MROH7: variants seen among roughly 807,000 people sequenced by gnomAD.
MROH7 encodes the protein maestro heat-like repeat-containing protein family member 7.
MROH7 carries 113 observed loss-of-function variants against 129.2 expected under a neutral mutation model. The ratio of observed to expected loss-of-function variants is 0.87; its 90% confidence interval spans 0.75 to 1.02. MROH7 has a LOEUF of 1.02. Ranked by LOEUF, MROH7 falls within the 50% of genes least tolerant of loss-of-function variation. MROH7 has a pLI of 0.00. For synonymous variants in MROH7, 655 were observed against 667.9 expected, an observed-to-expected ratio of 0.98 and a Z score of 0.30; for missense variants, 1,601 against 1,671.3, an observed-to-expected ratio of 0.96 and a Z score of 0.73.
At chr1:54,699,162 T>TTTCTTTCTTTC (rs1557727254) in intron 17 of MROH7, 18 of 86,134 alleles carry the variant, frequency 2.1e-4, no homozygotes, top group African/African-American at 8.7e-4. Context: ...TTCTTTCTTT[T>TTTCTTTCTTTC]CTTTCTTTCT....
At chr1:54,667,134 G>A (rs114990905) in intron 4 of MROH7, among the ~76,000 whole-genome samples, 26 of 152,256 alleles carry the variant, frequency 1.7e-4, no homozygotes, top group African/African-American at 6.3e-4. Flanking sequence ...TCTAGTTTGG[G>A]GAGACACACA....
rs1645579861 is a variant in MROH7 at position 54,708,998 on chromosome 1, T to C, written c.3668-16T>C. ...GTCGGAAGACAAATGCCCTCACTTC[T>C]TGGATTACGCTCAAGGGTCCCTGGT... On this transcript the variant is annotated splice_polypyrimidine_tract_variant and intron_variant, in intron 22 of 23. Coordinates refer to ENST00000421030, the MANE Select transcript of MROH7 (RefSeq NM_001039464.4). 2 of 1,613,880 alleles carry C rather than the reference T, an allele frequency of 1.2e-6. No individual in the cohort carries two copies. Among genetic ancestry groups the C allele is most frequent in the Admixed American group, 1.7e-5 (1 of 60,006 alleles).
At chr1:54,642,747 C>T (rs527723680) in intron 1 of MROH7, among the ~76,000 whole-genome samples, 1 of 152,278 alleles carries the variant, frequency 6.6e-6, no homozygotes, top group South Asian at 2.1e-4. Flanking sequence ...TCCCAAGTAG[C>T]TGGGACTACA....
At chr1:54,705,408 C>T (rs1029331809) in intron 21 of MROH7, among the ~76,000 whole-genome samples, 1 of 152,086 alleles carries the variant, frequency 6.6e-6, no homozygotes, top group Non-Finnish European at 1.5e-5. Flanking sequence ...TTGGGGGAGC[C>T]CGAGATACAG....
Position 54,679,365 on chromosome 1 carries a change from G to C in MROH7, c.2152G>C (p.Glu718Gln). The C allele has an allele frequency of 6.2e-6, 10 of 1,614,144 alleles. No individual in the cohort carries two copies. Among genetic ancestry groups the C allele is most frequent in the Non-Finnish European group, 8.5e-6 (10 of 1,180,040 alleles). ...AGAGGCTCCAGGGAAGGACTCCAGG[G>C]AGATGATGCAGCTGGCCTCGGAGGT... Reference protein sequence around the residue: ...SSEAPGKDSREMMQLASEVML... With the variant: ...SSEAPGKDSRQMMQLASEVML... Residue 718 changes from glutamate to glutamine, a missense_variant, in exon 12 of 24, where the codon GAG becomes CAG. Physicochemically the swap from Glu to Gln is conservative, Grantham distance 29. Transcript: ENST00000421030.
At chr1:54,642,813 C>T (rs1644408680) in intron 1 of MROH7, among the ~76,000 whole-genome samples, 1 of 138,070 alleles carries the variant, frequency 7.2e-6, no homozygotes, top group African/African-American at 2.5e-5. Flanking sequence ...CGCGGTTTTG[C>T]CATGTTGTTC....
At chr1:54,668,599 G>A (rs138081063) in intron 4 of MROH7, among the ~76,000 whole-genome samples, 6 of 152,230 alleles carry the variant, frequency 3.9e-5, no homozygotes, top group East Asian at 3.9e-4. Flanking sequence ...ACTGGAGAAG[G>A]GGGGAGTACT....
intron 15 of MROH7, among the ~76,000 whole-genome samples, chr1:54,687,937 T>C (rs775459678): frequency 7.7e-5 from 11 of 143,184 alleles, no homozygotes; most frequent in Non-Finnish European, 1.4e-4. Flanking sequence ...GGTGCAAACA[T>C]GGCTCACGGC....
At chr1:54,644,643 G>A (rs781304504) in intron 1 of MROH7, among the ~76,000 whole-genome samples, 2 of 148,264 alleles carry the variant, frequency 1.3e-5, no homozygotes, top group Non-Finnish European at 3.0e-5. Context: ...GTGCCTGGCC[G>A]ATTTTTCTTT....
At chr1:54,670,003 CAAA>C (rs34295281) in intron 5 of MROH7, among the ~76,000 whole-genome samples, 3 of 105,258 alleles carry the variant, frequency 2.9e-5, no homozygotes, top group African/African-American at 1.0e-4. Flanking sequence ...GACTTCATGT[CAAA>C]AAAAAAAAAA....
At chr1:54,676,521 T>C (rs1644983447) in intron 10 of MROH7, among the ~76,000 whole-genome samples, 1 of 152,056 alleles carries the variant, frequency 6.6e-6, no homozygotes, top group Non-Finnish European at 1.5e-5. Context: ...GCGATTCTCC[T>C]GCCTCAGCCT....
intron 15 of MROH7, among the ~76,000 whole-genome samples, chr1:54,688,243 T>C (rs1461992966): frequency 6.6e-6 from 1 of 150,652 alleles, no homozygotes; most frequent in African/African-American, 2.4e-5. Context: ...TTTTTTTTTT[T>C]TTTTTTTGTT....
chr1:54,708,046 C>T (rs994424683), intron 22 of MROH7, among the ~76,000 whole-genome samples: 2 of 152,096 alleles, frequency 1.3e-5, no homozygotes, highest in East Asian at 1.9e-4. Context: ...CTAACTTATC[C>T]GGAGCAAGGT....
chr1:54,663,740 A>C, intron 3 of MROH7: 1 of 431,674 alleles, frequency 2.3e-6, no homozygotes, highest in Non-Finnish European at 4.5e-6. Context: ...TTGACATTTG[A>C]CATGTCTTTA....
At chr1:54,644,873 A>G (rs1404046057) in intron 1 of MROH7, among the ~76,000 whole-genome samples, 1 of 149,302 alleles carries the variant, frequency 6.7e-6, no homozygotes, top group Non-Finnish European at 1.5e-5. Flanking sequence ...ACGGTGGTGC[A>G]ATCTCAGCTC....
At chr1:54,700,044 G>T in intron 17 of MROH7, 1 of 660,036 alleles carries the variant, frequency 1.5e-6, no homozygotes, top group East Asian at 2.7e-5. Context: ...GTGGGCTGGA[G>T]GGTGGGCACG....
intron 7 of MROH7, among the ~76,000 whole-genome samples, chr1:54,672,055 C>T (rs1363338072): frequency 6.6e-6 from 1 of 151,940 alleles, no homozygotes; most frequent in African/African-American, 2.4e-5. Flanking sequence ...GACAAAGTGG[C>T]AGTGTGACTG....
intron 5 of MROH7, 73 bp from the exon 6 acceptor site, chr1:54,670,424 A>G (rs1278056654): frequency 1.5e-6 from 2 of 1,343,558 alleles, no homozygotes. Context: ...GCTCCTTGTG[A>G]CGGGGGCAGC....
intron 1 of MROH7, 39 bp downstream of exon 1, chr1:54,642,007 C>T (rs2101044330): frequency 6.6e-6 from 1 of 152,308 alleles, no homozygotes; most frequent in Non-Finnish European, 1.5e-5. Flanking sequence ...CCAAGGCTCA[C>T]AGAAAGTTTA....
Sources: gnomAD v4.1 joint callset for allele counts (sites outside exome capture counted in the v4.1 genomes callset) on GRCh38, gnomAD v4.1.1 for gene constraint, MANE v1.5 for transcripts, NCBI Gene and HGNC (gene_info 2026-07-23, HGNC 2026-07-21) for gene names.